Variants in SFRP1 observed in about 807,000 individuals in gnomAD.
SFRP1 encodes the protein secreted frizzled related protein 1.
In SFRP1, 9 loss-of-function variants were observed where a neutral mutation model predicts 25.9. The observed-to-expected ratio is 0.35, with a 90% CI of 0.21 to 0.61. The LOEUF (loss-of-function observed/expected upper bound fraction) is 0.61. Among genes scored for constraint, SFRP1 ranks in the 20% least tolerant of loss-of-function variants. The probability of loss-of-function intolerance (pLI) is 0.78; values close to 1 mark genes in which losing one functional copy is unlikely to be tolerated. For synonymous variants in SFRP1, 178 were observed against 174.0 expected, an observed-to-expected ratio of 1.02 and a Z score of -0.18; for missense variants, 346 against 418.2, an observed-to-expected ratio of 0.83 and a Z score of 1.51.
rs189723721 is a variant in SFRP1, at chr8:41,300,439, T to C, written c.622+3022A>G. Among the ~76,000 whole-genome samples the C allele has an allele frequency of 2.0e-3, 305 of 152,220 alleles. 2 individuals carry two copies. The highest frequency in any genetic ancestry group is 3.2e-3 in the Non-Finnish European group (216 of 68,018). On this transcript the variant is annotated intron_variant, in intron 2 of 2. Coordinates refer to ENST00000220772, the MANE Select transcript of SFRP1 (RefSeq NM_003012.5). The stretch of plus-strand genomic sequence containing the variant: ...ACCTGAACTCTCAAGCTCAAAACAC[T>C]GAAGAAGGTAGTACAAGTGGAAGCT...
rs1441520920 is a variant in SFRP1, at chr8:41,264,301, T to A, written c.*866A>T. 1 of 152,262 alleles carries A rather than the reference T, an allele frequency of 6.6e-6. No homozygotes were observed. Among genetic ancestry groups the A allele is most frequent in the East Asian group, 1.9e-4 (1 of 5,206 alleles). 9.4% of individuals were successfully genotyped at this position (152,262 alleles called of 1,614,324 possible). On this transcript the variant is annotated 3_prime_UTR_variant, in exon 3 of 3. Transcript: ENST00000220772. ...CACCCTGACTAGCAATTTGCTGGAC[T>A]GTTCTAAAATTTTTTTCATTTGTTT...
chr8:41,292,259 T>C (rs1563364617), intron 2 of SFRP1, among the ~76,000 whole-genome samples: 1 of 152,182 alleles, frequency 6.6e-6, no homozygotes, highest in Non-Finnish European at 1.5e-5. Context: ...GCAGCCCTTT[T>C]TGGCTTTGTG....
rs948843384 is a variant in SFRP1 at position 41,264,610 on chromosome 8, T to C, written c.*557A>G. ...TGCTGTCACTATTACATAATGGACT[T>C]GCACTTTTCCTCCCTGCACTTATCA... On this transcript the variant is annotated 3_prime_UTR_variant, in exon 3 of 3. Transcript: ENST00000220772. The C allele has an allele frequency of 1.3e-5, 2 of 152,908 alleles. No individual in the cohort carries two copies. The highest frequency in any genetic ancestry group is 4.8e-5 in the African/African-American group (2 of 41,466). 9.5% of individuals were successfully genotyped at this position (152,908 alleles called of 1,614,324 possible). A position where few individuals can be genotyped will look rare whatever the true frequency, so the allele number is the denominator to read the frequency against.
chr8:41,266,098 G>A (rs372155408), intron 2 of SFRP1, among the ~76,000 whole-genome samples: 55 of 151,884 alleles, frequency 3.6e-4, no homozygotes, highest in African/African-American at 1.1e-3. Flanking sequence ...CCTGGGAGGC[G>A]GAGGTTGCAG....
chr8:41,272,670 G>A (rs1364242243), intron 2 of SFRP1, among the ~76,000 whole-genome samples: 3 of 151,998 alleles, frequency 2.0e-5, no homozygotes, highest in African/African-American at 7.3e-5. Flanking sequence ...GAAATTTCAT[G>A]AAAAGATGAA....
chr8:41,275,332 TAA>T (rs33974931), intron 2 of SFRP1: 39,077 of 242,488 alleles, frequency 0.16, 1,501 homozygotes, highest in East Asian at 0.36. Flanking sequence ...AAGGTGCTGT[TAA>T]AAAAAAAAAA....
At chr8:41,294,570 T>A (rs1047998688) in intron 2 of SFRP1, among the ~76,000 whole-genome samples, 2 of 152,118 alleles carry the variant, frequency 1.3e-5, no homozygotes, top group Non-Finnish European at 2.9e-5. Context: ...CTCACAGACA[T>A]CCTTTCAGAA....
chr8:41,265,970 A>T (rs1803430185), intron 2 of SFRP1, among the ~76,000 whole-genome samples: 1 of 152,184 alleles, frequency 6.6e-6, no homozygotes, highest in African/African-American at 2.4e-5. Flanking sequence ...GTTCGAGACC[A>T]GCCTGGCCAG....
At chr8:41,301,454 A>AG (rs1803915574) in intron 2 of SFRP1, among the ~76,000 whole-genome samples, 1 of 151,932 alleles carries the variant, frequency 6.6e-6, no homozygotes, top group Non-Finnish European at 1.5e-5. Flanking sequence ...GAGAGAAAAA[A>AG]AAATCCCTAT....
chr8:41,303,933 G>A (rs543598434), intron 1 of SFRP1, among the ~76,000 whole-genome samples: 12 of 152,056 alleles, frequency 7.9e-5, no homozygotes, highest in South Asian at 2.1e-4. Flanking sequence ...ACCATCCTCC[G>A]ATTCCTGCCC....
rs1373609917 is a variant in SFRP1 at position 41,308,974 on chromosome 8, G to A, written c.186C>T (p.Pro62=). The change falls in exon 1 of 3, where the codon CCC becomes CCT. Residue 62 remains proline (P), a synonymous_variant. Transcript: ENST00000220772. The part of the protein sequence containing the change: ...YTKPPQCVDI[P]ADLRLCHNVG... ...CGTTGTGGCACAGCCGCAGGTCCGCGGGGATGTCCACGCACTGAGGTGGCT... is the reference window on the plus strand; with the variant it reads ...CGTTGTGGCACAGCCGCAGGTCCGCAGGGATGTCCACGCACTGAGGTGGCT... 6 of 1,613,368 alleles carry A rather than the reference G, an allele frequency of 3.7e-6. No individual in the cohort carries two copies. Among genetic ancestry groups the A allele is most frequent in the Non-Finnish European group, 5.1e-6 (6 of 1,179,942 alleles).
Position 41,265,133 on chromosome 8 carries a change from CCGAGGCTCCCTCCCCA to C in SFRP1, c.*18_*33del. ...ACTGTCCCCCCCGCTCCCACCCCAC[CCGAGGCTCCCTCCCCA>C]CCCTGCCCCCGGGAGAATCACTTAA... On this transcript the variant is annotated 3_prime_UTR_variant, in exon 3 of 3. Transcript: ENST00000220772. The C allele has an allele frequency of 5.7e-6, 4 of 699,486 alleles. No homozygotes were observed. The highest frequency in any genetic ancestry group is 2.5e-5 in the Admixed American group (1 of 40,328). 43.3% of individuals were successfully genotyped at this position (699,486 alleles called of 1,614,324 possible).
At position 41,265,316 on chromosome 8, in the gene SFRP1, G is replaced by T. The variant is rs774818490; in HGVS notation, c.796C>A (p.His266Asn). Residue 266 changes from histidine to asparagine, a missense_variant, in exon 3 of 3, where the codon CAC becomes AAC. Coordinates refer to ENST00000220772, the MANE Select transcript of SFRP1 (RefSeq NM_003012.5). ...TTGCGGCCCATGATGAGGAAGTGGT[G>T]GCTGAGGTTGTCCAGCTGGTGGCAG... ...CPCHQLDNLS[H>N]HFLIMGRKVK... 5 of 1,614,046 alleles carry T rather than the reference G, an allele frequency of 3.1e-6. No homozygotes were observed. The highest frequency in any genetic ancestry group is 4.2e-6 in the Non-Finnish European group (5 of 1,180,038).
intron 2 of SFRP1, among the ~76,000 whole-genome samples, chr8:41,276,488 A>G (rs1386115044): frequency 3.3e-5 from 5 of 152,216 alleles, no homozygotes; most frequent in Admixed American, 6.5e-5. Flanking sequence ...TGTTCCCAGC[A>G]GGAGCCAATG....
intron 2 of SFRP1, chr8:41,275,147 A>G (rs1803555855): frequency 2.2e-6 from 1 of 446,386 alleles, no homozygotes; most frequent in African/African-American, 2.0e-5. Flanking sequence ...ATCTGGTTCA[A>G]CCGATGCTCA....
At chr8:41,306,385 C>A (rs187865944) in intron 1 of SFRP1, among the ~76,000 whole-genome samples, 3 of 152,246 alleles carry the variant, frequency 2.0e-5, no homozygotes, top group East Asian at 3.9e-4. Flanking sequence ...CATACTTATT[C>A]TCATTGGAAA....
intron 2 of SFRP1, among the ~76,000 whole-genome samples, chr8:41,291,719 G>A (rs184527702): frequency 8.5e-5 from 13 of 152,128 alleles, no homozygotes; most frequent in Non-Finnish European, 1.3e-4. Flanking sequence ...TCACCAGCGC[G>A]GAGCCCAGCA....
rs980358620 is a variant in SFRP1 at position 41,308,532 on chromosome 8, G to A, written c.544+84C>T. ...CAGCACCGGGACCCAGCGGCGGGCG[G>A]GCGTAGGGTGGCGCGGGTTCTCCTG... is the stretch of plus-strand genomic sequence containing the variant. On this transcript the variant is annotated intron_variant, in intron 1 of 2. Coordinates refer to ENST00000220772, the MANE Select transcript of SFRP1 (RefSeq NM_003012.5). 3.5e-6 allele frequency: 4 copies of A among 1,143,588 alleles called. No individual in the cohort carries two copies. In the African/African-American group the frequency reaches 6.2e-5, roughly 18 times the overall value. The allele number at this position is 1,143,588 out of a possible 1,614,324, so 70.8% of individuals were successfully genotyped here.
intron 2 of SFRP1, among the ~76,000 whole-genome samples, chr8:41,300,749 C>A (rs1025225681): frequency 6.6e-6 from 1 of 152,112 alleles, no homozygotes; most frequent in Non-Finnish European, 1.5e-5. Context: ...TGTCACAGAG[C>A]AGGAAAAGCA....
Sources: gnomAD v4.1 joint callset for allele counts (sites outside exome capture counted in the v4.1 genomes callset) on GRCh38, gnomAD v4.1.1 for gene constraint, MANE v1.5 for transcripts, NCBI Gene and HGNC (gene_info 2026-07-23, HGNC 2026-07-21) for gene names.